Variants in UVRAG observed in about 807,000 individuals in gnomAD.
UVRAG encodes UV radiation resistance-associated gene protein.
In UVRAG, 19 loss-of-function variants were observed where a neutral mutation model predicts 78.0. That is an observed-to-expected ratio of 0.24 (90% CI 0.17 to 0.36). The LOEUF is 0.36. UVRAG is among the 10% of genes least tolerant of loss of function. The pLI is 1.00. For synonymous variants in UVRAG, 323 were observed against 324.6 expected (o/e 1.00, Z 0.05); for missense variants, 740 against 853.8 (o/e 0.87, Z 1.66).
chr11:75,919,763 A>T (rs947001464), intron 6 of UVRAG, among the ~76,000 whole-genome samples: 16 of 152,154 alleles, frequency 1.1e-4, no homozygotes, highest in African/African-American at 3.6e-4. Flanking sequence ...TCTCCATTTA[A>T]CAGATGAGGA....
chr11:76,009,658 T>G (rs901910453), intron 11 of UVRAG, among the ~76,000 whole-genome samples: 1 of 152,176 alleles, frequency 6.6e-6, no homozygotes, highest in Non-Finnish European at 1.5e-5. Context: ...GAAGCTGTTG[T>G]TATTGGTGAT....
At chr11:76,012,833 GTGTGTGTGTGTGTGTT>G (rs1022502310) in intron 11 of UVRAG, 1 of 149,328 alleles carries the variant, frequency 6.7e-6, no homozygotes, top group African/African-American at 2.5e-5. Context: ...GTGTGTGTGT[GTGTGTGTGTGTGTGTT>G]TAAGTAATCC....
intron 13 of UVRAG, among the ~76,000 whole-genome samples, chr11:76,076,936 G>A (rs1951415090): frequency 6.6e-6 from 1 of 150,624 alleles, no homozygotes; most frequent in South Asian, 2.1e-4. Flanking sequence ...AAAATCACCT[G>A]AGTCCAGGAG....
intron 4 of UVRAG, among the ~76,000 whole-genome samples, chr11:75,881,018 A>G (rs1946934004): frequency 7.5e-6 from 1 of 133,722 alleles, no homozygotes; most frequent in Non-Finnish European, 1.5e-5. Context: ...ATCATAGCTC[A>G]CTGTAGCCTC....
intron 5 of UVRAG, among the ~76,000 whole-genome samples, chr11:75,907,696 A>C (rs186934623): frequency 8.9e-4 from 132 of 148,858 alleles, no homozygotes; most frequent in South Asian, 1.1e-3. Context: ...TTATTAAAAC[A>C]ATTTTTTTTT....
intron 14 of UVRAG, among the ~76,000 whole-genome samples, chr11:76,120,469 G>A (rs940920349): frequency 9.2e-5 from 14 of 152,186 alleles, no homozygotes; most frequent in East Asian, 1.9e-4. Context: ...TCTAAGGTAC[G>A]GAGAAATTAA....
chr11:75,858,331 C>T (rs992237135), intron 2 of UVRAG, among the ~76,000 whole-genome samples: 1 of 152,016 alleles, frequency 6.6e-6, no homozygotes, highest in African/African-American at 2.4e-5. Context: ...ATTCTTATTC[C>T]TTTCTCTCCT....
intron 8 of UVRAG, among the ~76,000 whole-genome samples, chr11:75,997,782 G>C (rs555820427): frequency 1.3e-5 from 2 of 152,174 alleles, no homozygotes; most frequent in Non-Finnish European, 2.9e-5. Flanking sequence ...ACCATCAGAG[G>C]CTTCAAGCTT....
At chr11:75,877,961 T>C (rs1946841108) in intron 3 of UVRAG, among the ~76,000 whole-genome samples, 1 of 143,730 alleles carries the variant, frequency 7.0e-6, no homozygotes, top group African/African-American at 2.6e-5. Context: ...TGGTGGGGGC[T>C]GACCCCCACC....
intron 5 of UVRAG, among the ~76,000 whole-genome samples, chr11:75,898,255 CATT>C (rs1947395355): frequency 6.6e-6 from 1 of 152,160 alleles, no homozygotes; most frequent in Non-Finnish European, 1.5e-5. Context: ...GCCAATTTAT[CATT>C]ATTTGCTTAA....
Position 75,837,085 on chromosome 11 carries a change from T to TC in UVRAG, c.118-14798_118-14797insC, listed in dbSNP as rs1468788093. 2.9e-3 allele frequency among the ~76,000 whole-genome samples: 447 copies of TC among 152,224 alleles called. 6 individuals are homozygous for TC. In the East Asian group the frequency reaches 0.074, roughly 25 times the overall value. On this transcript the variant is annotated intron_variant, in intron 1 of 14. Transcript: ENST00000356136. Reference sequence around the variant, plus strand: ...TGGCTCACGCCTGTAATCCCAGCACTTTGGGAGGCCAAGGTGGGTGGATCC... The same window carrying TC: ...TGGCTCACGCCTGTAATCCCAGCACTCTTGGGAGGCCAAGGTGGGTGGATCC...
chr11:76,055,851 A>T (rs1031544515), intron 12 of UVRAG, among the ~76,000 whole-genome samples: 3 of 152,122 alleles, frequency 2.0e-5, no homozygotes, highest in Non-Finnish European at 2.9e-5. Context: ...CTGGGACTAC[A>T]GGTGCCCGCC....
intron 6 of UVRAG, among the ~76,000 whole-genome samples, chr11:75,928,939 CAAAAAAAAA>C (rs368913080): frequency 1.3e-4 from 9 of 67,490 alleles, no homozygotes; most frequent in Admixed American, 7.4e-4. Context: ...GAGACTGTCT[CAAAAAAAAA>C]AAAAAAAAAA....
intron 1 of UVRAG, among the ~76,000 whole-genome samples, chr11:75,847,969 C>CAAAAA (rs35386754): frequency 1.6e-4 from 11 of 69,830 alleles, no homozygotes; most frequent in African/African-American, 5.0e-4. Flanking sequence ...GACTGTGTCT[C>CAAAAA]AAAAAAAAAA....
chr11:75,996,906 A>G (rs559020870), intron 8 of UVRAG, among the ~76,000 whole-genome samples: 11 of 152,308 alleles, frequency 7.2e-5, no homozygotes, highest in African/African-American at 1.9e-4. Flanking sequence ...TGTCAAGCCA[A>G]TTGTGTAGAG....
intron 3 of UVRAG, among the ~76,000 whole-genome samples, chr11:75,875,910 A>AC (rs979901902): frequency 3.5e-4 from 53 of 152,146 alleles, no homozygotes; most frequent in African/African-American, 1.2e-3. Flanking sequence ...GCAGTGGCTT[A>AC]CCCCTGTAAT....
intron 1 of UVRAG, among the ~76,000 whole-genome samples, chr11:75,836,778 A>G (rs1945785921): frequency 6.6e-6 from 1 of 152,248 alleles, no homozygotes; most frequent in African/African-American, 2.4e-5. Context: ...TTAACATGCT[A>G]ACTTCAGGCA....
chr11:76,105,283 T>C (rs1951950359), intron 13 of UVRAG, among the ~76,000 whole-genome samples: 1 of 152,140 alleles, frequency 6.6e-6, no homozygotes, highest in African/African-American at 2.4e-5. Context: ...TGCACACCTG[T>C]AGTCCCAGCT....
chr11:75,834,825 AAAAC>A (rs1270628982), intron 1 of UVRAG, among the ~76,000 whole-genome samples: 2 of 152,094 alleles, frequency 1.3e-5, no homozygotes, highest in South Asian at 2.1e-4. Context: ...AAAAAAACAA[AAAAC>A]AAACCAACAA....
Sources: allele counts gnomAD v4.1 joint callset (sites outside exome capture counted in the v4.1 genomes callset), GRCh38; gene constraint gnomAD v4.1.1; transcripts MANE v1.5; gene names NCBI Gene and HGNC (gene_info 2026-07-23, HGNC 2026-07-21).